CELF2: variants seen among roughly 807,000 people sequenced by gnomAD.
CELF2 encodes CUGBP Elav-like family member 2.
In CELF2, 8 loss-of-function variants were observed where a neutral mutation model predicts 62.6. The ratio of observed to expected loss-of-function variants is 0.13; its 90% CI spans 0.07 to 0.23. The LOEUF (loss-of-function observed/expected upper bound fraction) is 0.23. CELF2 is among the 10% of genes least tolerant of loss of function. The pLI is 1.00. For synonymous variants in CELF2, 258 were observed against 250.0 expected (o/e 1.03, Z -0.30); for missense variants, 333 against 671.0 (o/e 0.50, Z 5.56).
intron 5 of CELF2, among the ~76,000 whole-genome samples, chr10:11,265,523 G>A (rs2081958863): frequency 6.6e-6 from 1 of 152,226 alleles, no homozygotes; most frequent in African/African-American, 2.4e-5. Context: ...ACCTTTTAGT[G>A]TGCTGTGGTT....
At chr10:11,014,704 G>A (rs184686732), upstream of CELF2, among the ~76,000 whole-genome samples, 18 of 152,204 alleles carry the variant, frequency 1.2e-4, no homozygotes, top group East Asian at 2.3e-3. Context: ...GTTCGAAGAC[G>A]GAAGTGGAGC....
chr10:10,689,021 A>C, the CELF2 span, among the ~76,000 whole-genome samples: 1 of 152,006 alleles, frequency 6.6e-6, no homozygotes, highest in African/African-American at 2.4e-5. Flanking sequence ...AAAAAAAAGT[A>C]GTTAAATTTA....
At chr10:11,120,869 G>A (rs1450213505) in intron 1 of CELF2, among the ~76,000 whole-genome samples, 1 of 152,206 alleles carries the variant, frequency 6.6e-6, no homozygotes, top group South Asian at 2.1e-4. Flanking sequence ...CAAATACTTT[G>A]TGAGTGCTCC....
chr10:10,897,058 T>C (rs1212467442), intron 1 of CELF2, among the ~76,000 whole-genome samples: 1 of 152,118 alleles, frequency 6.6e-6, no homozygotes, highest in African/African-American at 2.4e-5. Context: ...TGAGGCACCA[T>C]GACAGAAAAA....
intron 2 of CELF2, among the ~76,000 whole-genome samples, chr10:11,182,125 A>T (rs1410896480): frequency 6.6e-6 from 1 of 152,232 alleles, no homozygotes; most frequent in African/African-American, 2.4e-5. Context: ...AAGGGCTCTG[A>T]GCCCTCTGAG....
At chr10:11,071,783 A>C (rs2070110848) in intron 1 of CELF2, 3 of 152,116 alleles carry the variant, frequency 2.0e-5, no homozygotes. Flanking sequence ...TCACCAACCC[A>C]CTTATTATAA....
At chr10:11,005,255 G>GGGAGA, upstream of CELF2, 2 of 1,175,916 alleles carry the variant, frequency 1.7e-6, no homozygotes, top group Non-Finnish European at 2.3e-6. The surrounding 1 kb of genome is among the most constrained non-coding windows in gnomAD (Gnocchi z 4.3). Context: ...AGAGAGAGAG[G>GGGAGA]GAGAGAGAGA....
chr10:10,548,566 T>G, the CELF2 span, among the ~76,000 whole-genome samples: 2 of 152,220 alleles, frequency 1.3e-5, no homozygotes, highest in African/African-American at 4.8e-5. Flanking sequence ...GTCGCAGTAT[T>G]TTACAAAATT....
At chr10:11,029,113 A>G (rs994597199) in intron 1 of CELF2, among the ~76,000 whole-genome samples, 1 of 152,138 alleles carries the variant, frequency 6.6e-6, no homozygotes, top group African/African-American at 2.4e-5. Context: ...GAATGCCTGG[A>G]GGATGTAGAT....
intron 9 of CELF2, among the ~76,000 whole-genome samples, chr10:11,312,806 C>T (rs1008394093): frequency 2.0e-5 from 3 of 152,108 alleles, no homozygotes; most frequent in South Asian, 2.1e-4. Context: ...TGGTGGCAGG[C>T]GCCTGTAGTG....
chr10:10,833,343 C>T (rs1013703961), intron 1 of CELF2, among the ~76,000 whole-genome samples: 5 of 152,280 alleles, frequency 3.3e-5, no homozygotes, highest in Admixed American at 1.3e-4. Flanking sequence ...TGGTATTTTT[C>T]CTTACCAACT....
intron 4 of CELF2, 101 bp downstream of exon 4, chr10:11,249,302 T>C: frequency 1.1e-6 from 1 of 933,788 alleles, no homozygotes; most frequent in Non-Finnish European, 1.8e-6. Flanking sequence ...CTTTTCTCTC[T>C]AGAGGACAGA....
At chr10:10,478,036 C>A in the CELF2 span, among the ~76,000 whole-genome samples, 2 of 152,116 alleles carry the variant, frequency 1.3e-5, no homozygotes, top group African/African-American at 4.8e-5. Context: ...CATTGACAAG[C>A]ATCAGTTAAA....
At chr10:10,821,180 A>T (rs2056930270) in intron 1 of CELF2, among the ~76,000 whole-genome samples, 1 of 152,200 alleles carries the variant, frequency 6.6e-6, no homozygotes, top group South Asian at 2.1e-4. Flanking sequence ...TTTGGGGTTG[A>T]CTTTGGACAT....
intron 3 of CELF2, among the ~76,000 whole-genome samples, chr10:11,235,708 C>T (rs1375860663): frequency 6.6e-6 from 1 of 151,818 alleles, no homozygotes; most frequent in Admixed American, 6.6e-5. Context: ...ATGTCTTGCT[C>T]AGATGTTTAA....
At chr10:11,252,480 T>C (rs2077437036) in intron 4 of CELF2, among the ~76,000 whole-genome samples, 1 of 152,220 alleles carries the variant, frequency 6.6e-6, no homozygotes, top group Non-Finnish European at 1.5e-5. Flanking sequence ...AATCATGGAT[T>C]AATTCATGAT....
intron 2 of CELF2, among the ~76,000 whole-genome samples, chr10:10,981,068 C>A (rs764474084): frequency 1.3e-5 from 2 of 152,152 alleles, no homozygotes; most frequent in African/African-American, 2.4e-5. Flanking sequence ...CAGAGAGAAC[C>A]CTTCTGCCAT....
intron 1 of CELF2, among the ~76,000 whole-genome samples, chr10:10,870,742 C>T (rs1401868249): frequency 2.0e-5 from 3 of 152,140 alleles, no homozygotes; most frequent in South Asian, 2.1e-4. Flanking sequence ...ACCCACCGCC[C>T]GCCCAGCCTT....
chr10:11,051,780 T>G (rs1196675969), intron 1 of CELF2, among the ~76,000 whole-genome samples: 1 of 152,208 alleles, frequency 6.6e-6, no homozygotes, highest in East Asian at 1.9e-4. Flanking sequence ...ACGTTTGAGC[T>G]TCATATAAAA....
Sources: gnomAD v4.1 joint callset for allele counts (sites outside exome capture counted in the v4.1 genomes callset) on GRCh38, gnomAD v4.1.1 for gene constraint, Gnocchi (gnomAD v3.1) non-coding constraint, MANE v1.5 for transcripts, NCBI Gene and HGNC (gene_info 2026-07-23, HGNC 2026-07-21) for gene names.